GBP6: variants seen among roughly 807,000 people sequenced by gnomAD.
The protein encoded by GBP6 is guanylate binding protein family member 6, also known as guanylate-binding protein 6.
A neutral mutation model predicts 61.5 loss-of-function variants in GBP6; 54 were observed. The observed-to-expected ratio is 0.88, with a 90% CI of 0.71 to 1.10. GBP6 has a LOEUF of 1.10. Among genes scored for constraint, GBP6 ranks in the 50% least tolerant of loss-of-function variants. The pLI is 0.00. For missense variants in GBP6, 748 were observed against 752.8 expected (o/e 0.99, Z 0.07); for synonymous variants, 255 against 273.7 (o/e 0.93, Z 0.67).
intron 3 of GBP6, among the ~76,000 whole-genome samples, chr1:89,375,171 T>C (rs1316871504): frequency 6.6e-6 from 1 of 152,192 alleles, no homozygotes. Flanking sequence ...CAGTCTATCA[T>C]TGATGGGCAT....
At chr1:89,374,905 C>T (rs1652762779) in intron 3 of GBP6, among the ~76,000 whole-genome samples, 1 of 151,868 alleles carries the variant, frequency 6.6e-6, no homozygotes, top group Non-Finnish European at 1.5e-5. Context: ...ATTTTTCCTG[C>T]TTCTCTCCCT....
At chr1:89,374,114 A>G (rs1014675493) in intron 3 of GBP6, among the ~76,000 whole-genome samples, 6 of 151,994 alleles carry the variant, frequency 3.9e-5, no homozygotes, top group Non-Finnish European at 7.4e-5. Flanking sequence ...TTCCCCTTCC[A>G]CCATGATTGT....
rs79932676 is a variant in GBP6 at position 89,364,318 on chromosome 1, G to A, written c.-24+191G>A. ...AACCAGTGACAGCCGGGCACGCCGC[G>A]TCCCCCTGGATGTGCTGTTCCCTGA... On this transcript the variant is annotated intron_variant, in intron 1 of 10. Coordinates refer to ENST00000370456, the MANE Select transcript of GBP6 (RefSeq NM_198460.3). Among the ~76,000 whole-genome samples, 1,365 of 152,316 alleles carry A rather than the reference G, an allele frequency of 9.0e-3. 7 individuals are homozygous for A. The highest frequency in any genetic ancestry group is 0.015 in the Non-Finnish European group (1,053 of 68,014).
intron 1 of GBP6, among the ~76,000 whole-genome samples, chr1:89,366,839 C>G (rs1038908455): frequency 3.3e-5 from 5 of 152,302 alleles, no homozygotes; most frequent in Admixed American, 3.3e-4. Context: ...CCTCCTCCCC[C>G]AGCCCATGGT....
intron 1 of GBP6, among the ~76,000 whole-genome samples, chr1:89,364,848 A>G (rs944558142): frequency 2.0e-5 from 3 of 151,514 alleles, no homozygotes; most frequent in African/African-American, 7.3e-5. Context: ...TTTTTTAAAA[A>G]CCACCATGTC....
At chr1:89,369,516 C>T in intron 2 of GBP6, 30 bp from the exon 3 acceptor site, 1 of 1,607,318 alleles carries the variant, frequency 6.2e-7, no homozygotes, top group Non-Finnish European at 8.5e-7. Flanking sequence ...TCTGCTGTCC[C>T]TGTGCTTAGC....
chr1:89,379,187 G>T (rs1652890356), intron 5 of GBP6, among the ~76,000 whole-genome samples: 2 of 152,146 alleles, frequency 1.3e-5, no homozygotes, highest in Admixed American at 1.3e-4. Context: ...GGCAGCTGGT[G>T]TGTCACATGG....
rs543709634 is a variant in GBP6, at chr1:89,371,920, A to G, written c.318+2247A>G. 5.6e-4 allele frequency among the ~76,000 whole-genome samples: 85 copies of G among 152,320 alleles called. 1 individual carries two copies. Among genetic ancestry groups the G allele is most frequent in the African/African-American group, 1.8e-3 (76 of 41,574 alleles). On this transcript the variant is annotated intron_variant, in intron 3 of 10. Coordinates refer to ENST00000370456, the MANE Select transcript of GBP6 (RefSeq NM_198460.3). ...GATTGTATATCTAGAAAACCACATCATCTCAGCCCAAAATCTCCTTAAGCT... is the reference window on the plus strand; with the variant it reads ...GATTGTATATCTAGAAAACCACATCGTCTCAGCCCAAAATCTCCTTAAGCT...
At chr1:89,364,595 AAAT>A (rs1652407646) in intron 1 of GBP6, among the ~76,000 whole-genome samples, 1 of 150,872 alleles carries the variant, frequency 6.6e-6, no homozygotes, top group South Asian at 2.1e-4. Context: ...TATTACTTAA[AAAT>A]AATTATATAG....
At chr1:89,384,359 ACAG>A (rs1653076767) in intron 10 of GBP6, 73 bp downstream of exon 10, 2 of 1,206,642 alleles carry the variant, frequency 1.7e-6, no homozygotes, top group Non-Finnish European at 2.3e-6. Flanking sequence ...GGTGAAGGTT[ACAG>A]CAACATCATG....
chr1:89,378,465 G>T lies in GBP6; in HGVS notation c.477G>T (p.Arg159Ser), dbSNP rs116171495. The change falls in exon 5 of 11, where the codon AGG becomes AGT. Residue 159 changes from arginine to serine, a missense_variant. Transcript: ENST00000370456. Reference protein sequence around the residue: ...TELIKAKSSPRPDGVEDSTEF... With the variant: ...TELIKAKSSPSPDGVEDSTEF... The stretch of plus-strand genomic sequence containing the variant: ...TAATTAAGGCAAAGTCCTCCCCAAG[G>T]CCTGATGGAGTAGAAGATTCCACAG... 69 of 1,614,132 alleles carry T rather than the reference G, an allele frequency of 4.3e-5. No individual in the cohort carries two copies. The highest frequency in any genetic ancestry group is 2.0e-4 in the East Asian group (9 of 44,884).
At position 89,381,820 on chromosome 1, in the gene GBP6, A is replaced by G. The variant is rs1652987510; in HGVS notation, c.998A>G (p.Tyr333Cys). 5 of 1,614,096 alleles carry G rather than the reference A, an allele frequency of 3.1e-6. No homozygotes were observed. The highest frequency in any genetic ancestry group is 1.1e-5 in the South Asian group (1 of 91,080). ...GCGGCCGTGCAGAGGGCAGCTGACT[A>G]CTACAGCCAGCAGATGGCCCAGCGA... ...NSAAVQRAADYYSQQMAQRVK... is the reference protein window; with the variant it reads ...NSAAVQRAADCYSQQMAQRVK... Residue 333 changes from tyrosine (Y) to cysteine (C), a missense_variant, in exon 7 of 11, where the codon TAC (tyrosine) becomes TGC (cysteine). Transcript: ENST00000370456.
At chr1:89,370,225 C>T (rs1348717040) in intron 3 of GBP6, among the ~76,000 whole-genome samples, 2 of 152,320 alleles carry the variant, frequency 1.3e-5, no homozygotes, top group East Asian at 1.9e-4. Flanking sequence ...ATCCAGGCAG[C>T]ACCTCACAGC....
intron 8 of GBP6, 31 bp downstream of exon 8, chr1:89,382,907 A>T: frequency 6.7e-7 from 1 of 1,495,010 alleles, no homozygotes; most frequent in South Asian, 1.1e-5. Flanking sequence ...GGGGAAGTTT[A>T]TAGGATAGAG....
chr1:89,379,312 C>T (rs775857550), intron 5 of GBP6, among the ~76,000 whole-genome samples: 7 of 146,640 alleles, frequency 4.8e-5, no homozygotes, highest in East Asian at 2.0e-4. Flanking sequence ...GCCCCTGTGA[C>T]CCAAACACCT....
chr1:89,374,853 G>A (rs550647392), intron 3 of GBP6, among the ~76,000 whole-genome samples: 4 of 152,110 alleles, frequency 2.6e-5, no homozygotes, highest in East Asian at 3.9e-4. Context: ...GGTTGTACAG[G>A]TTATTTTATC....
At chr1:89,373,902 T>A (rs1375370620) in intron 3 of GBP6, among the ~76,000 whole-genome samples, 1 of 152,072 alleles carries the variant, frequency 6.6e-6, no homozygotes, top group Non-Finnish European at 1.5e-5. Flanking sequence ...AATCTCATCT[T>A]GAATTGTAGT....
At chr1:89,377,113 C>A (rs1652830694) in intron 3 of GBP6, among the ~76,000 whole-genome samples, 2 of 152,256 alleles carry the variant, frequency 1.3e-5, no homozygotes, top group Admixed American at 1.3e-4. Flanking sequence ...GCTTTAGGAA[C>A]CAGTTACACA....
Position 89,368,896 on chromosome 1 carries a change from G to A in GBP6, c.190+155G>A, listed in dbSNP as rs562592392. Among the ~76,000 whole-genome samples the A allele has an allele frequency of 9.2e-5, 14 of 152,150 alleles. No homozygotes were observed. The East Asian group carries it at 1.4e-3, about 15-fold the overall frequency. Reference sequence around the variant, plus strand: ...TCTTACCACCAAACCACTACCTTACGATAATCCATTCTCATATTTTTTCCC... The same window carrying A: ...TCTTACCACCAAACCACTACCTTACAATAATCCATTCTCATATTTTTTCCC... On this transcript the variant is annotated intron_variant, in intron 2 of 10. Transcript: ENST00000370456.
Sources: allele counts gnomAD v4.1 joint callset (sites outside exome capture counted in the v4.1 genomes callset), GRCh38; gene constraint gnomAD v4.1.1; transcripts MANE v1.5; gene names NCBI Gene and HGNC (gene_info 2026-07-23, HGNC 2026-07-21).